Variants in CLP1 observed in about 807,000 individuals in gnomAD.
The protein encoded by CLP1 is polyribonucleotide 5'-hydroxyl-kinase Clp1.
CLP1 carries 18 observed loss-of-function variants against 29.9 expected under a neutral mutation model. The ratio of observed to expected loss-of-function variants is 0.60; its 90% CI spans 0.42 to 0.89. CLP1 has a LOEUF of 0.89. Among genes scored for constraint, CLP1 ranks in the 40% least tolerant of loss-of-function variants. The probability of loss-of-function intolerance (pLI) is 0.00; values close to 1 mark genes in which losing one functional copy is unlikely to be tolerated. For synonymous variants in CLP1, 162 were observed against 206.2 expected (o/e 0.79, Z 1.84); for missense variants, 357 against 544.8 (o/e 0.66, Z 3.43).
At chr11:57,660,194 C>G (rs1945861387) in intron 2 of CLP1, 112 bp downstream of exon 2, 1 of 1,159,280 alleles carries the variant, frequency 8.6e-7, no homozygotes, top group Non-Finnish European at 1.2e-6. Flanking sequence ...TGCTGCATTA[C>G]TTTAGAAAGG....
At position 57,659,436 on chromosome 11, in the gene CLP1, TATTTA is replaced by T; in HGVS notation, c.-22-14_-22-10del. The T allele has an allele frequency of 6.2e-7, 1 of 1,607,820 alleles. No individual in the cohort carries two copies. On this transcript the variant is annotated splice_polypyrimidine_tract_variant and intron_variant, in intron 1 of 2. Coordinates refer to ENST00000533682, the MANE Select transcript of CLP1 (RefSeq NM_006831.3). ...AAGACTGACTTATAATTAGATCTGATATTTAATTTGTGTTCTAGGCACAGCAGCTA... is the reference window on the plus strand; with the variant it reads ...AAGACTGACTTATAATTAGATCTGATATTTGTGTTCTAGGCACAGCAGCTA...
In CLP1 at chr11:57,659,498, G is replaced by C. The variant is rs1181281766; in HGVS notation, c.22G>C (p.Asp8His). 6.2e-7 allele frequency: 1 copy of C among 1,614,002 alleles called. No individual in the cohort carries two copies. Among genetic ancestry groups the C allele is most frequent in the Non-Finnish European group, 8.5e-7 (1 of 1,180,028 alleles). MGEEAND[D>H]KKPTTKFELE... ...AGAGATGGGAGAAGAGGCTAATGATGACAAGAAGCCAACCACTAAATTTGA... is the reference window on the plus strand; with the variant it reads ...AGAGATGGGAGAAGAGGCTAATGATCACAAGAAGCCAACCACTAAATTTGA... The change falls in exon 2 of 3, where the codon GAC becomes CAC. Residue 8 changes from aspartate to histidine, a missense_variant. Asp to His is a moderately conservative substitution (Grantham distance 81). Coordinates refer to ENST00000533682, the MANE Select transcript of CLP1 (RefSeq NM_006831.3).
chr11:57,659,461 C>T lies in CLP1; in HGVS notation c.-16C>T. The T allele has an allele frequency of 6.2e-7, 1 of 1,613,606 alleles. No homozygotes were observed. The highest frequency in any genetic ancestry group is 8.5e-7 in the Non-Finnish European group (1 of 1,179,678). On this transcript the variant is annotated 5_prime_UTR_variant, in exon 2 of 3. Coordinates refer to ENST00000533682, the MANE Select transcript of CLP1 (RefSeq NM_006831.3). ...TATTTAATTTGTGTTCTAGGCACAGCAGCTACACAGAAGAGATGGGAGAAG... is the reference window on the plus strand; with the variant it reads ...TATTTAATTTGTGTTCTAGGCACAGTAGCTACACAGAAGAGATGGGAGAAG...
In CLP1 at chr11:57,658,638, A is replaced by AT. The variant is rs200548560; in HGVS notation, c.-23+787dup. Among the ~76,000 whole-genome samples the AT allele has an allele frequency of 2.0e-3, 296 of 150,656 alleles. 4 individuals are homozygous for AT. In the East Asian group the frequency reaches 0.021, roughly 11 times the overall value. On this transcript the variant is annotated intron_variant, in intron 1 of 2. Transcript: ENST00000533682. The stretch of plus-strand genomic sequence containing the variant: ...TTTATTTATTTGTTTATTTTATTTT[A>AT]TTTTTTTTTGAGACAGAGCCTTGGT...
intron 1 of CLP1, among the ~76,000 whole-genome samples, chr11:57,659,242 C>A (rs574846580): frequency 6.6e-6 from 1 of 151,730 alleles, no homozygotes; most frequent in East Asian, 1.9e-4. Flanking sequence ...CTCCACCATG[C>A]CCGGCTAATT....
intron 2 of CLP1, 112 bp downstream of exon 2, chr11:57,660,194 CT>C: frequency 8.6e-7 from 1 of 1,159,276 alleles, no homozygotes; most frequent in Non-Finnish European, 1.2e-6. Context: ...TGCTGCATTA[CT>C]TTAGAAAGGC....
chr11:57,661,459 C>A lies in CLP1; in HGVS notation c.*23C>A. 1 of 1,580,746 alleles carries A rather than the reference C, an allele frequency of 6.3e-7. No individual in the cohort carries two copies. Among genetic ancestry groups the A allele is most frequent in the Non-Finnish European group, 8.6e-7 (1 of 1,161,152 alleles). On this transcript the variant is annotated 3_prime_UTR_variant, in exon 3 of 3. Transcript: ENST00000533682. ...TAGAGATCAGCAGGAAGCCTTGCTGCCTGGGACATAGAGATCATCTGGCCA... is the reference window on the plus strand; with the variant it reads ...TAGAGATCAGCAGGAAGCCTTGCTGACTGGGACATAGAGATCATCTGGCCA...
chr11:57,659,093 T>C (rs1222073786), intron 1 of CLP1, among the ~76,000 whole-genome samples: 1 of 150,750 alleles, frequency 6.6e-6, no homozygotes, highest in East Asian at 2.0e-4. Context: ...GATTTTTTTT[T>C]TTTTTTTTGA....
chr11:57,659,907 G>C lies in CLP1; in HGVS notation c.431G>C (p.Arg144Pro). 1.2e-6 allele frequency: 2 copies of C among 1,614,152 alleles called. No homozygotes were observed. The change falls in exon 2 of 3, where the codon CGT (arginine) becomes CCT (proline). Residue 144 changes from arginine to proline, a missense_variant. Coordinates refer to ENST00000533682, the MANE Select transcript of CLP1 (RefSeq NM_006831.3). ...AACTACGCAGTGCGTTTGGGCCGCC[G>C]TCCCACTTATGTGGAGCTGGATGTG... is the stretch of plus-strand genomic sequence containing the variant. Reference protein sequence around the residue: ...LLNYAVRLGRRPTYVELDVGQ... With the variant: ...LLNYAVRLGRPPTYVELDVGQ...
At position 57,659,848 on chromosome 11, in the gene CLP1, T is replaced by C; in HGVS notation, c.372T>C (p.Asp124=). ...GAGTGATGGTAGTGGGCCCCACTGA[T>C]GTGGGCAAGTCTACAGTGTGTCGCC... is the stretch of plus-strand genomic sequence containing the variant. The part of the protein sequence containing the change: ...GPRVMVVGPT[D]VGKSTVCRLL... Residue 124 remains aspartate (D), a synonymous_variant, in exon 2 of 3, where the codon GAT becomes GAC. Transcript: ENST00000533682. 6.2e-7 allele frequency: 1 copy of C among 1,614,164 alleles called. No individual in the cohort carries two copies. Among genetic ancestry groups the C allele is most frequent in the African/African-American group, 1.3e-5 (1 of 75,042 alleles).
chr11:57,660,100 G>T lies in CLP1; in HGVS notation c.606+18G>T. Reference sequence around the variant, plus strand: ...ATAATAAGGTCAGAGCCAGAGAAAGGTGGGGTGGAGGGAAGGGCTGCTATC... The same window carrying T: ...ATAATAAGGTCAGAGCCAGAGAAAGTTGGGGTGGAGGGAAGGGCTGCTATC... On this transcript the variant is annotated intron_variant, in intron 2 of 2. Transcript: ENST00000533682. The T allele has an allele frequency of 1.3e-6, 2 of 1,534,550 alleles. No individual in the cohort carries two copies. The highest frequency in any genetic ancestry group is 2.5e-5 in the South Asian group (2 of 78,552).
Position 57,659,531 on chromosome 11 carries a change from C to G in CLP1, c.55C>G (p.Arg19Gly). Reference protein sequence around the residue: ...KKPTTKFELERETELRFEVEA... With the variant: ...KKPTTKFELEGETELRFEVEA... ...GCCAACCACTAAATTTGAACTAGAG[C>G]GAGAAACAGAACTTCGCTTTGAGGT... Residue 19 changes from arginine to glycine, a missense_variant, in exon 2 of 3, where the codon CGA becomes GGA. Transcript: ENST00000533682. The G allele has an allele frequency of 6.2e-7, 1 of 1,614,000 alleles. No homozygotes were observed. The highest frequency in any genetic ancestry group is 8.5e-7 in the Non-Finnish European group (1 of 1,180,002).
Position 57,660,999 on chromosome 11 carries a change from A to G in CLP1, c.841A>G (p.Lys281Glu). Residue 281 changes from lysine (K) to glutamate (E), a missense_variant, in exon 3 of 3, where the codon AAA becomes GAA. Coordinates refer to ENST00000533682, the MANE Select transcript of CLP1 (RefSeq NM_006831.3). ...PHFVRTVLLP[K>E]SGGVVERSKD... ...CTTTGTACGCACTGTGCTGCTCCCT[A>G]AATCTGGGGGTGTGGTGGAGCGCTC... 4 of 1,614,174 alleles carry G rather than the reference A, an allele frequency of 2.5e-6. No individual in the cohort carries two copies. Among genetic ancestry groups the G allele is most frequent in the Non-Finnish European group, 3.4e-6 (4 of 1,180,026 alleles).
At position 57,659,598 on chromosome 11, in the gene CLP1, T is replaced by C. The variant is rs1945854626; in HGVS notation, c.122T>C (p.Met41Thr). The change falls in exon 2 of 3, where the codon ATG becomes ACG. Residue 41 changes from methionine (M) to threonine (T), a missense_variant. Transcript: ENST00000533682. ...GTTCAGTTGGAGTTGTTGACTGGCA[T>C]GGCAGAGATCTTTGGCACAGAGCTG... ...QSVQLELLTGMAEIFGTELTR... is the reference protein window; with the variant it reads ...QSVQLELLTGTAEIFGTELTR... 1.2e-6 allele frequency: 2 copies of C among 1,614,134 alleles called. No individual in the cohort carries two copies. The highest frequency in any genetic ancestry group is 2.2e-5 in the East Asian group (1 of 44,880).
rs1238950878 is a variant in CLP1 at position 57,661,518 on chromosome 11, G to T, written c.*82G>T. On this transcript the variant is annotated 3_prime_UTR_variant, in exon 3 of 3. Coordinates refer to ENST00000533682, the MANE Select transcript of CLP1 (RefSeq NM_006831.3). ...GGCAGATGGGCTGAGATAAAAGACT[G>T]TTGGGGCCACCTGACCAGTAAACTG... 4 of 1,185,914 alleles carry T rather than the reference G, an allele frequency of 3.4e-6. No individual in the cohort carries two copies. In the Admixed American group the frequency reaches 8.9e-5, roughly 26 times the overall value. 73.5% of individuals were successfully genotyped at this position (1,185,914 alleles called of 1,614,324 possible). A position where few individuals can be genotyped will look rare whatever the true frequency, so the allele number is the denominator to read the frequency against.
Position 57,659,689 on chromosome 11 carries a change from T to C in CLP1, c.213T>C (p.Cys71=). 1 of 1,614,152 alleles carries C rather than the reference T, an allele frequency of 6.2e-7. No individual in the cohort carries two copies. The highest frequency in any genetic ancestry group is 8.5e-7 in the Non-Finnish European group (1 of 1,180,036). Residue 71 remains cysteine (C), a synonymous_variant, in exon 2 of 3, where the codon TGT becomes TGC. Coordinates refer to ENST00000533682, the MANE Select transcript of CLP1 (RefSeq NM_006831.3). ...TGGCTGTTTTCACTTGGCATGGCTG[T>C]TCTGTGCAACTGAGCGGCCGCACTG... ...AKVAVFTWHG[C]SVQLSGRTEV...
chr11:57,659,871 G>A lies in CLP1; in HGVS notation c.395G>A (p.Arg132His), dbSNP rs757398552. 43 of 1,614,074 alleles carry A rather than the reference G, an allele frequency of 2.7e-5. No homozygotes were observed. Among genetic ancestry groups the A allele is most frequent in the Non-Finnish European group, 3.1e-5 (37 of 1,180,056 alleles). Residue 132 changes from arginine (R) to histidine (H), a missense_variant, in exon 2 of 3, where the codon CGC (arginine) becomes CAC (histidine). Arg to His is a conservative substitution (Grantham distance 29). Transcript: ENST00000533682. ...GATGTGGGCAAGTCTACAGTGTGTC[G>A]CCTTCTGCTCAACTACGCAGTGCGT... ...PTDVGKSTVC[R>H]LLLNYAVRLG...
In CLP1 at chr11:57,661,668, C is replaced by CT. The variant is rs1945878613; in HGVS notation, c.*235dup. On this transcript the variant is annotated 3_prime_UTR_variant, in exon 3 of 3. Transcript: ENST00000533682. ...GTTTCTTAGACCACCTAAGATGCCA[C>CT]TTTGAATTCTCTAAGACCCTGGAGA... 2 of 524,428 alleles carry CT rather than the reference C, an allele frequency of 3.8e-6. No individual in the cohort carries two copies. Among genetic ancestry groups the CT allele is most frequent in the Non-Finnish European group, 6.8e-6 (2 of 296,028 alleles). 32.5% of individuals were successfully genotyped at this position (524,428 alleles called of 1,614,324 possible). A position where few individuals can be genotyped will look rare whatever the true frequency, so the allele number is the denominator to read the frequency against.
At chr11:57,660,196 T>C (rs1945861425) in intron 2 of CLP1, 114 bp downstream of exon 2, 12 of 1,119,976 alleles carry the variant, frequency 1.1e-5, no homozygotes, top group Non-Finnish European at 1.5e-5. Context: ...CTGCATTACT[T>C]TAGAAAGGCA....
Sources: allele counts gnomAD v4.1 joint callset (sites outside exome capture counted in the v4.1 genomes callset), GRCh38; gene constraint gnomAD v4.1.1; transcripts MANE v1.5; gene names NCBI Gene and HGNC (gene_info 2026-07-23, HGNC 2026-07-21).